SLC9A9: variants seen among roughly 807,000 people sequenced by gnomAD.
SLC9A9 encodes the protein sodium/hydrogen exchanger 9.
In SLC9A9, 62 loss-of-function variants were observed where a neutral mutation model predicts 77.8. The ratio of observed to expected loss-of-function variants is 0.80; its 90% CI spans 0.65 to 0.98. The LOEUF (loss-of-function observed/expected upper bound fraction) is 0.98, where lower values mean the gene tolerates loss of function less well. Ranked by LOEUF, SLC9A9 falls within the 50% of genes least tolerant of loss-of-function variation. The pLI, the probability that SLC9A9 is intolerant of heterozygous loss-of-function variation, is 0.00. For synonymous variants in SLC9A9, 320 were observed against 283.5 expected, an observed-to-expected ratio of 1.13 and a Z score of -1.29; for missense variants, 775 against 774.9, an observed-to-expected ratio of 1.00 and a Z score of 0.00.
At chr3:143,318,948 T>C (rs1313216890) in intron 14 of SLC9A9, among the ~76,000 whole-genome samples, 1 of 152,234 alleles carries the variant, frequency 6.6e-6, no homozygotes, top group Non-Finnish European at 1.5e-5. Context: ...AGAAGGCCAC[T>C]AGCTCTAGGT....
intron 4 of SLC9A9, among the ~76,000 whole-genome samples, chr3:143,758,829 A>G (rs1450038692): frequency 6.6e-6 from 1 of 152,152 alleles, no homozygotes; most frequent in East Asian, 1.9e-4. Context: ...TAATGTCTAC[A>G]TTTAATGACA....
intron 6 of SLC9A9, among the ~76,000 whole-genome samples, chr3:143,606,720 C>T (rs529822880): frequency 7.3e-5 from 11 of 150,888 alleles, no homozygotes; most frequent in African/African-American, 2.4e-4. Context: ...ACAGCTCAAC[C>T]GAGAATTAGA....
At chr3:143,665,072 C>T (rs1398165553) in intron 5 of SLC9A9, among the ~76,000 whole-genome samples, 2 of 152,166 alleles carry the variant, frequency 1.3e-5, no homozygotes, top group African/African-American at 4.8e-5. Flanking sequence ...CAAAATTGAC[C>T]ACATAGGTGG....
intron 6 of SLC9A9, among the ~76,000 whole-genome samples, chr3:143,587,606 T>C (rs757524385): frequency 3.5e-5 from 4 of 113,390 alleles, no homozygotes; most frequent in African/African-American, 8.1e-5. Context: ...CCATGTCTTA[T>C]AGAGCCTTTC....
intron 4 of SLC9A9, among the ~76,000 whole-genome samples, chr3:143,725,275 TA>T (rs1934611043): frequency 6.6e-6 from 1 of 152,128 alleles, no homozygotes; most frequent in Non-Finnish European, 1.5e-5. Context: ...GGAACACTTT[TA>T]CACTGTTGGT....
intron 1 of SLC9A9, among the ~76,000 whole-genome samples, chr3:143,837,540 A>T (rs554307248): frequency 6.6e-6 from 1 of 152,164 alleles, no homozygotes; most frequent in Non-Finnish European, 1.5e-5. Context: ...AATATTATAT[A>T]ATATCATATT....
At chr3:143,843,268 A>AC (rs2009751644) in intron 1 of SLC9A9, among the ~76,000 whole-genome samples, 1 of 152,194 alleles carries the variant, frequency 6.6e-6, no homozygotes, top group Non-Finnish European at 1.5e-5. Context: ...GGTGTAGCCA[A>AC]CATGTCCAAC....
In SLC9A9 at chr3:143,720,550, T is replaced by G. The variant is rs1343721286; in HGVS notation, c.534-27243A>C. Among the ~76,000 whole-genome samples the G allele has an allele frequency of 4.6e-5, 7 of 152,242 alleles. No homozygotes were observed. In the South Asian group the frequency reaches 1.4e-3, roughly 32 times the overall value. On this transcript the variant is annotated intron_variant, in intron 4 of 15. Transcript: ENST00000316549. ...TTCATTCCATCCAGGTGTACCGAGG[T>G]GTCAGGAAACCAAGCTTTCTTCCCA...
At chr3:143,317,663 T>TA (rs2031261097) in intron 14 of SLC9A9, among the ~76,000 whole-genome samples, 1 of 42,184 alleles carries the variant, frequency 2.4e-5, no homozygotes, top group African/African-American at 1.5e-4. Flanking sequence ...TATGTATTTC[T>TA]CAGGTTTGAA....
rs562093393 is a variant in SLC9A9, at chr3:143,384,605, A to T, written c.1470-2491T>A. Among the ~76,000 whole-genome samples the T allele has an allele frequency of 7.9e-5, 12 of 152,306 alleles. No homozygotes were observed. The South Asian group carries it at 1.9e-3, about 24-fold the overall frequency. On this transcript the variant is annotated intron_variant, in intron 12 of 15. Coordinates refer to ENST00000316549, the MANE Select transcript of SLC9A9 (RefSeq NM_173653.4). ...CTTTGCAGCAGCAATCAGAGCAGACATTCCTGCACAACTAGATGGGGCAGA... is the reference window on the plus strand; with the variant it reads ...CTTTGCAGCAGCAATCAGAGCAGACTTTCCTGCACAACTAGATGGGGCAGA...
At chr3:143,407,757 A>G (rs192440650) in intron 12 of SLC9A9, among the ~76,000 whole-genome samples, 23 of 152,358 alleles carry the variant, frequency 1.5e-4, no homozygotes, top group Non-Finnish European at 1.0e-4. Flanking sequence ...AGGAGTTTAA[A>G]TAATGTCATG....
chr3:143,303,910 C>T (rs1214986757), intron 14 of SLC9A9, among the ~76,000 whole-genome samples: 3 of 152,326 alleles, frequency 2.0e-5, no homozygotes, highest in East Asian at 3.9e-4. Flanking sequence ...TCTGTTTTCT[C>T]CATTTCTTAA....
intron 11 of SLC9A9, among the ~76,000 whole-genome samples, chr3:143,468,740 T>A (rs962331676): frequency 6.6e-6 from 1 of 152,234 alleles, no homozygotes; most frequent in Non-Finnish European, 1.5e-5. Flanking sequence ...AATGATTACA[T>A]AGTTTTACAA....
intron 8 of SLC9A9, among the ~76,000 whole-genome samples, chr3:143,553,558 A>G (rs1182022908): frequency 6.6e-6 from 1 of 152,234 alleles, no homozygotes; most frequent in Non-Finnish European, 1.5e-5. Context: ...GTGAATCTGC[A>G]ACAAAGAATT....
chr3:143,456,969 C>T (rs1426750908), intron 12 of SLC9A9, among the ~76,000 whole-genome samples: 1 of 152,132 alleles, frequency 6.6e-6, no homozygotes, highest in Non-Finnish European at 1.5e-5. Flanking sequence ...TTTTGTTGAA[C>T]ATATGTGCAG....
chr3:143,763,769 T>A (rs1379667672), intron 4 of SLC9A9, among the ~76,000 whole-genome samples: 3 of 151,938 alleles, frequency 2.0e-5, no homozygotes, highest in East Asian at 3.9e-4. Flanking sequence ...TGGCTCAGGA[T>A]CTCCATCTAG....
chr3:143,606,434 CTCTATAT>C (rs2037927450), intron 6 of SLC9A9, among the ~76,000 whole-genome samples: 1 of 52,938 alleles, frequency 1.9e-5, no homozygotes, highest in South Asian at 7.0e-4. Context: ...CTCTCTCTCT[CTCTATAT>C]ATATATATAT....
chr3:143,760,533 C>A (rs2007083980), intron 4 of SLC9A9, among the ~76,000 whole-genome samples: 1 of 152,152 alleles, frequency 6.6e-6, no homozygotes, highest in Non-Finnish European at 1.5e-5. Flanking sequence ...AAATCACAAG[C>A]ATTCTTATAC....
At chr3:143,631,563 T>C (rs143524667) in intron 6 of SLC9A9, among the ~76,000 whole-genome samples, 1 of 152,158 alleles carries the variant, frequency 6.6e-6, no homozygotes, top group Non-Finnish European at 1.5e-5. Flanking sequence ...GATAGAGACA[T>C]GAGCACAAAA....
Sources: gnomAD v4.1 joint callset for allele counts (sites outside exome capture counted in the v4.1 genomes callset) on GRCh38, gnomAD v4.1.1 for gene constraint, MANE v1.5 for transcripts, NCBI Gene and HGNC (gene_info 2026-07-23, HGNC 2026-07-21) for gene names.